The following PRKN variants were observed in gnomAD, a reference collection of about 807,000 sequenced individuals.
PRKN encodes the protein parkin RBR E3 ubiquitin protein ligase, also known as E3 ubiquitin-protein ligase parkin.
In PRKN, 56 loss-of-function variants were observed where a neutral mutation model predicts 59.5. The ratio of observed to expected loss-of-function variants is 0.94; its 90% CI spans 0.76 to 1.18. The LOEUF (loss-of-function observed/expected upper bound fraction) is 1.18. PRKN is among the 50% of genes most tolerant of loss of function. The pLI is 0.00. For missense variants in PRKN, 657 were observed against 596.4 expected (o/e 1.10, Z -1.06); for synonymous variants, 250 against 222.1 (o/e 1.13, Z -1.12).
chr6:162,683,145 T>C (rs1321950721), intron 1 of PRKN, among the ~76,000 whole-genome samples: 2 of 152,172 alleles, frequency 1.3e-5, no homozygotes, highest in Non-Finnish European at 2.9e-5. Flanking sequence ...AATACAAATA[T>C]GTTCATGCTT....
At chr6:162,705,799 G>C (rs1044400344) in intron 1 of PRKN, among the ~76,000 whole-genome samples, 2 of 152,090 alleles carry the variant, frequency 1.3e-5, no homozygotes, top group Non-Finnish European at 2.9e-5. Flanking sequence ...AGGGCTAGAG[G>C]GATAGTTCCT....
intron 1 of PRKN, among the ~76,000 whole-genome samples, chr6:162,506,808 C>G (rs1350188573): frequency 6.6e-6 from 1 of 152,148 alleles, no homozygotes; most frequent in Non-Finnish European, 1.5e-5. Flanking sequence ...GAGCACATCA[C>G]AGGTGCCTTC....
At chr6:162,059,608 G>A (rs1160869027) in intron 4 of PRKN, among the ~76,000 whole-genome samples, 1 of 152,196 alleles carries the variant, frequency 6.6e-6, no homozygotes, top group South Asian at 2.1e-4. Flanking sequence ...GTAGAAGGGA[G>A]CTATGGATGA....
chr6:162,015,066 T>C (rs989550943), intron 5 of PRKN, among the ~76,000 whole-genome samples: 1 of 152,194 alleles, frequency 6.6e-6, no homozygotes, highest in East Asian at 1.9e-4. Context: ...ACTTGCAGCA[T>C]GATTTTAAGA....
At chr6:161,757,986 C>G (rs1159769644) in intron 7 of PRKN, among the ~76,000 whole-genome samples, 3 of 142,386 alleles carry the variant, frequency 2.1e-5, no homozygotes, top group Non-Finnish European at 4.5e-5. Context: ...TATTTAACAT[C>G]ATTAGTCATT....
At chr6:161,777,387 A>T (rs1357311916) in intron 7 of PRKN, among the ~76,000 whole-genome samples, 3 of 151,972 alleles carry the variant, frequency 2.0e-5, no homozygotes, top group Non-Finnish European at 1.5e-5. Flanking sequence ...CACCATCATA[A>T]TTTTGTCAAT....
At chr6:162,712,922 C>T (rs1453172098) in intron 1 of PRKN, among the ~76,000 whole-genome samples, 2 of 152,192 alleles carry the variant, frequency 1.3e-5, no homozygotes, top group African/African-American at 2.4e-5. Flanking sequence ...ACTTCAGTTC[C>T]GGTTCCTCCA....
intron 2 of PRKN, among the ~76,000 whole-genome samples, chr6:162,323,743 T>G (rs1783140632): frequency 6.6e-6 from 1 of 152,104 alleles, no homozygotes; most frequent in South Asian, 2.1e-4. Context: ...TTAAAAAGGC[T>G]AATCATACCA....
chr6:162,541,364 C>T (rs1430518217), intron 1 of PRKN, among the ~76,000 whole-genome samples: 2 of 152,180 alleles, frequency 1.3e-5, no homozygotes, highest in Non-Finnish European at 2.9e-5. Context: ...TGGGGAGAGC[C>T]ATCCAGACAG....
chr6:162,114,328 T>C lies in PRKN; in HGVS notation c.535-60154A>G, dbSNP rs1171856841. 9.2e-5 allele frequency among the ~76,000 whole-genome samples: 14 copies of C among 151,716 alleles called. No individual in the cohort carries two copies. The South Asian group carries it at 1.9e-3, about 20-fold the overall frequency. ...GGCAGTATGGCCATTTTCACGATAT[T>C]GATTCTTCCTACCCATGAGCATGGA... is the stretch of plus-strand genomic sequence containing the variant. On this transcript the variant is annotated intron_variant, in intron 4 of 11. Coordinates refer to ENST00000366898, the MANE Select transcript of PRKN (RefSeq NM_004562.3).
chr6:162,516,507 T>C (rs969997700), intron 1 of PRKN, among the ~76,000 whole-genome samples: 1 of 152,152 alleles, frequency 6.6e-6, no homozygotes, highest in Non-Finnish European at 1.5e-5. Flanking sequence ...ATCCCAGCAC[T>C]TTGGGAGGCC....
intron 9 of PRKN, among the ~76,000 whole-genome samples, chr6:161,510,673 G>C (rs1391936709): frequency 6.6e-6 from 1 of 152,196 alleles, no homozygotes; most frequent in Non-Finnish European, 1.5e-5. Context: ...GGTATTAAGA[G>C]ACCCAAGAGA....
At chr6:162,117,752 CAGAG>C (rs1015982914) in intron 4 of PRKN, among the ~76,000 whole-genome samples, 1 of 152,160 alleles carries the variant, frequency 6.6e-6, no homozygotes, top group Non-Finnish European at 1.5e-5. Flanking sequence ...CCTCTATGCA[CAGAG>C]AGAAACATCT....
At chr6:161,365,599 A>C (rs1415991610) in intron 10 of PRKN, among the ~76,000 whole-genome samples, 3 of 152,232 alleles carry the variant, frequency 2.0e-5, no homozygotes, top group Non-Finnish European at 4.4e-5. Context: ...AGGAAGAAAG[A>C]TTAAAGTTAC....
At chr6:161,827,004 TG>T (rs964779285) in intron 6 of PRKN, among the ~76,000 whole-genome samples, 3 of 152,134 alleles carry the variant, frequency 2.0e-5, no homozygotes, top group Non-Finnish European at 2.9e-5. Flanking sequence ...CTCTTCACAA[TG>T]GGGAGGCTTA....
At chr6:162,094,495 A>G (rs1272280402) in intron 4 of PRKN, among the ~76,000 whole-genome samples, 3 of 152,132 alleles carry the variant, frequency 2.0e-5, no homozygotes, top group African/African-American at 7.2e-5. Flanking sequence ...GGAAATAAAC[A>G]AATAAAGTAA....
At chr6:161,452,666 G>A (rs1293449349) in intron 9 of PRKN, among the ~76,000 whole-genome samples, 1 of 152,120 alleles carries the variant, frequency 6.6e-6, no homozygotes, top group Non-Finnish European at 1.5e-5. Flanking sequence ...TGATGTTCCT[G>A]TATTATTTTT....
intron 7 of PRKN, among the ~76,000 whole-genome samples, chr6:161,773,539 TAAA>T (rs901114339): frequency 7.8e-6 from 1 of 127,680 alleles, no homozygotes; most frequent in African/African-American, 3.0e-5. Flanking sequence ...AAACACACAC[TAAA>T]AAGAAGAAGA....
chr6:162,227,440 T>C (rs933093096), intron 3 of PRKN, among the ~76,000 whole-genome samples: 3 of 152,182 alleles, frequency 2.0e-5, no homozygotes, highest in Admixed American at 2.0e-4. Flanking sequence ...CTGAAAATCA[T>C]GGTTTTTGAA....
Sources: allele counts gnomAD v4.1 joint callset (sites outside exome capture counted in the v4.1 genomes callset), GRCh38; gene constraint gnomAD v4.1.1; transcripts MANE v1.5; gene names NCBI Gene and HGNC (gene_info 2026-07-23, HGNC 2026-07-21).